Variants in JMJD1C observed in about 807,000 individuals in gnomAD.
JMJD1C encodes jumonji domain-containing protein 1C.
Under a neutral mutation model 245.3 loss-of-function variants are expected in JMJD1C, and 31 were observed. The ratio of observed to expected loss-of-function variants is 0.13; its 90% confidence interval spans 0.09 to 0.17. The LOEUF (loss-of-function observed/expected upper bound fraction) is 0.17, where lower values mean the gene tolerates loss of function less well. Among genes scored for constraint, JMJD1C ranks in the 10% least tolerant of loss-of-function variants. The probability of loss-of-function intolerance (pLI) is 1.00; values close to 1 mark genes in which losing one functional copy is unlikely to be tolerated. For synonymous variants in JMJD1C, 1,057 were observed against 1,017.4 expected, an observed-to-expected ratio of 1.04 and a Z score of -0.74; for missense variants, 2,691 against 3,000.2, an observed-to-expected ratio of 0.90 and a Z score of 2.41.
intron 1 of JMJD1C, among the ~76,000 whole-genome samples, chr10:63,471,090 T>G (rs1198916354): frequency 6.6e-6 from 1 of 152,164 alleles, no homozygotes; most frequent in Non-Finnish European, 1.5e-5. Flanking sequence ...TCATAAACGC[T>G]CCAACTATTA....
chr10:63,402,370 A>G (rs144756865), intron 1 of JMJD1C, among the ~76,000 whole-genome samples: 1 of 152,342 alleles, frequency 6.6e-6, no homozygotes, highest in Non-Finnish European at 1.5e-5. Context: ...TTCTTTTTAA[A>G]AATTGTTAGT....
At chr10:63,442,507 A>G (rs1486855726) in intron 1 of JMJD1C, among the ~76,000 whole-genome samples, 1 of 152,262 alleles carries the variant, frequency 6.6e-6, no homozygotes, top group Non-Finnish European at 1.5e-5. Context: ...GCAATGCAGC[A>G]GAATGTTATG....
At chr10:63,394,642 C>T (rs1948334473) in intron 1 of JMJD1C, among the ~76,000 whole-genome samples, 1 of 151,704 alleles carries the variant, frequency 6.6e-6, no homozygotes, top group African/African-American at 2.4e-5. Flanking sequence ...GTTGGGAGTT[C>T]GAGACCAGCC....
At chr10:63,236,605 A>G (rs1850761856) in intron 3 of JMJD1C, among the ~76,000 whole-genome samples, 1 of 152,158 alleles carries the variant, frequency 6.6e-6, no homozygotes, top group Non-Finnish European at 1.5e-5. Context: ...ACAATTTACT[A>G]ACTGCAGCTT....
intron 1 of JMJD1C, among the ~76,000 whole-genome samples, chr10:63,449,611 C>T (rs1452973865): frequency 6.6e-6 from 1 of 151,908 alleles, no homozygotes; most frequent in Non-Finnish European, 1.5e-5. Context: ...AGGCATATAT[C>T]AATATACATC....
In JMJD1C at chr10:63,270,216, G is replaced by A. The variant is rs189757133; in HGVS notation, c.334-5452C>T. ...TAGTCTTGCTCTGTTACCCAGGCTG[G>A]AGCGCAGTGGCATGATCTCAACTCA... On this transcript the variant is annotated intron_variant, in intron 2 of 25. Coordinates refer to ENST00000399262, the MANE Select transcript of JMJD1C (RefSeq NM_032776.3). Among the ~76,000 whole-genome samples the A allele has an allele frequency of 4.1e-3, 626 of 152,194 alleles. 4 individuals carry two copies. The highest frequency in any genetic ancestry group is 6.8e-3 in the Middle Eastern group (2 of 294).
chr10:63,454,762 T>C (rs1952300990), intron 1 of JMJD1C, among the ~76,000 whole-genome samples: 1 of 152,208 alleles, frequency 6.6e-6, no homozygotes, highest in South Asian at 2.1e-4. Flanking sequence ...TGCCACACAT[T>C]AGTGGCTACC....
chr10:63,279,249 TCGAAA>T (rs1229112246), intron 2 of JMJD1C, among the ~76,000 whole-genome samples: 3 of 152,124 alleles, frequency 2.0e-5, no homozygotes, highest in Non-Finnish European at 2.9e-5. Context: ...AAACGTGGTC[TCGAAA>T]CAAACAAAAC....
intron 1 of JMJD1C, chr10:63,521,477 C>T (rs1426392586): frequency 7.3e-6 from 8 of 1,098,784 alleles, no homozygotes; most frequent in African/African-American, 6.7e-5. Context: ...CGCGGCCTGC[C>T]GTTGGCGGCC....
chr10:63,349,522 T>C (rs1045560941), intron 2 of JMJD1C, among the ~76,000 whole-genome samples: 24 of 152,344 alleles, frequency 1.6e-4, no homozygotes, highest in African/African-American at 5.5e-4. Flanking sequence ...AATAGTAGGA[T>C]AGCCAGGCAT....
intron 2 of JMJD1C, among the ~76,000 whole-genome samples, chr10:63,300,622 T>C (rs1038788399): frequency 2.0e-5 from 3 of 151,878 alleles, no homozygotes; most frequent in African/African-American, 7.2e-5. Flanking sequence ...CCTGGCGTGG[T>C]GGCTCACTTC....
chr10:63,365,630 A>G (rs1009206050), intron 2 of JMJD1C, among the ~76,000 whole-genome samples: 1 of 152,158 alleles, frequency 6.6e-6, no homozygotes, highest in East Asian at 1.9e-4. Context: ...TATGCTAAAG[A>G]TGGACTATTT....
rs1950541178 is a variant in JMJD1C, at chr10:63,428,018, C to CT, written c.168+37476dup. On this transcript the variant is annotated intron_variant, in intron 1 of 25. Coordinates refer to ENST00000399262, the MANE Select transcript of JMJD1C (RefSeq NM_032776.3). ...AGCCCCCTCTGTGCTGTCCACTGTA[C>CT]TTTATCATTAAAAATCAATTTCCAG... 1.3e-5 allele frequency: 8 copies of CT among 623,786 alleles called. No homozygotes were observed. The South Asian group carries it at 1.4e-4, about 11-fold the overall frequency. The allele number at this position is 623,786 out of a possible 1,614,324, so 38.6% of individuals were successfully genotyped here. A position where few individuals can be genotyped will look rare whatever the true frequency, so the allele number is the denominator to read the frequency against.
upstream of JMJD1C, among the ~76,000 whole-genome samples, chr10:63,468,105 GCATGTAA>G (rs1953372758): frequency 6.6e-6 from 1 of 152,126 alleles, no homozygotes; most frequent in Non-Finnish European, 1.5e-5. Flanking sequence ...CCTCTGAAAA[GCATGTAA>G]TCCAACAAAT....
At chr10:63,426,024 T>G (rs1248783971) in intron 1 of JMJD1C, among the ~76,000 whole-genome samples, 1 of 152,212 alleles carries the variant, frequency 6.6e-6, no homozygotes, top group East Asian at 1.9e-4. Flanking sequence ...TATTTTTCTA[T>G]ATTGTTCTTC....
intron 2 of JMJD1C, among the ~76,000 whole-genome samples, chr10:63,321,277 T>TA (rs1329607874): frequency 6.6e-6 from 1 of 152,246 alleles, no homozygotes; most frequent in Non-Finnish European, 1.5e-5. Flanking sequence ...TCTAGCAAAC[T>TA]AATTGAACAT....
At chr10:63,197,287 GA>G (rs558007904) in intron 13 of JMJD1C, 123 bp downstream of exon 13, 40 of 813,884 alleles carry the variant, frequency 4.9e-5, no homozygotes, top group South Asian at 1.0e-4. Flanking sequence ...AAAACAAACT[GA>G]AAAAAAATAC....
intron 2 of JMJD1C, among the ~76,000 whole-genome samples, chr10:63,346,581 C>A (rs963648285): frequency 1.3e-5 from 2 of 152,198 alleles, no homozygotes; most frequent in African/African-American, 4.8e-5. Context: ...TAAACTATAA[C>A]CAATTCACTT....
At chr10:63,368,396 T>C (rs1264316790) in intron 2 of JMJD1C, among the ~76,000 whole-genome samples, 2 of 152,006 alleles carry the variant, frequency 1.3e-5, no homozygotes, top group African/African-American at 4.8e-5. Context: ...TAACAGCACA[T>C]AGGGAAACCA....
Sources: gnomAD v4.1 joint callset for allele counts (sites outside exome capture counted in the v4.1 genomes callset) on GRCh38, gnomAD v4.1.1 for gene constraint, MANE v1.5 for transcripts, NCBI Gene and HGNC (gene_info 2026-07-23, HGNC 2026-07-21) for gene names.